PRDX1: variants seen among roughly 807,000 people sequenced by gnomAD.
PRDX1 encodes the protein peroxiredoxin 1.
In PRDX1, 19 loss-of-function variants were observed where a neutral mutation model predicts 20.7. The ratio of observed to expected loss-of-function variants is 0.92; its 90% confidence interval spans 0.64 to 1.35. The LOEUF is 1.35. Among genes scored for constraint, PRDX1 ranks in the 40% most tolerant of loss-of-function variants. The pLI is 0.00. For missense variants in PRDX1, 226 were observed against 240.0 expected, an observed-to-expected ratio of 0.94 and a Z score of 0.38; for synonymous variants, 89 against 83.9, an observed-to-expected ratio of 1.06 and a Z score of -0.33.
At position 45,514,949 on chromosome 1, in the gene PRDX1, G is replaced by C; in HGVS notation, c.307C>G (p.Pro103Ala). The C allele has an allele frequency of 1.2e-6, 2 of 1,614,202 alleles. No individual in the cohort carries two copies. The highest frequency in any genetic ancestry group is 8.5e-7 in the Non-Finnish European group (1 of 1,180,032). Residue 103 changes from proline (P) to alanine (A), a missense_variant, in exon 4 of 6, where the codon CCT becomes GCT. Transcript: ENST00000319248. Reference sequence around the variant, plus strand: ...GTGCGCTTCGGGTCTGATACCAAAGGAATGTTCATGGGTCCCAGTCCTCCT... The same window carrying C: ...GTGCGCTTCGGGTCTGATACCAAAGCAATGTTCATGGGTCCCAGTCCTCCT... ...KQGGLGPMNI[P>A]LVSDPKRTIA...
chr1:45,514,046 T>C (rs1300067300), intron 5 of PRDX1, among the ~76,000 whole-genome samples: 9 of 152,146 alleles, frequency 5.9e-5, no homozygotes, highest in Admixed American at 5.9e-4. Flanking sequence ...TAAAACCCAA[T>C]TGTATGTTCC....
chr1:45,517,021 C>CAA (rs10700951), intron 2 of PRDX1, among the ~76,000 whole-genome samples: 6,666 of 89,552 alleles, frequency 0.074, 654 homozygotes, highest in African/African-American at 0.24. Context: ...AATTCCACCT[C>CAA]AAAAAAAAAA....
chr1:45,518,154 C>A (rs1374093913), intron 2 of PRDX1, among the ~76,000 whole-genome samples: 3 of 151,480 alleles, frequency 2.0e-5, no homozygotes, highest in Non-Finnish European at 4.4e-5. Context: ...AACATGGCGC[C>A]CAGCTCTACA....
chr1:45,519,999 G>T (rs1438376716), intron 1 of PRDX1, among the ~76,000 whole-genome samples: 1 of 152,102 alleles, frequency 6.6e-6, no homozygotes, highest in Non-Finnish European at 1.5e-5. Flanking sequence ...CGGGTCAGGA[G>T]TTCGAGACCA....
At chr1:45,522,279 ACTGT>A (rs901921430), upstream of PRDX1, among the ~76,000 whole-genome samples, 3 of 152,170 alleles carry the variant, frequency 2.0e-5, no homozygotes, top group Non-Finnish European at 4.4e-5. Flanking sequence ...AGCCATGAGA[ACTGT>A]CTATCCAAAT....
At chr1:45,512,069 C>CTTTTTTTTTTTT (rs869087041) in intron 5 of PRDX1, 18 of 66,924 alleles carry the variant, frequency 2.7e-4, no homozygotes, top group Non-Finnish European at 3.9e-4. Context: ...TCTTATTTTT[C>CTTTTTTTTTTTT]TTTTTTTTTT....
intron 5 of PRDX1, chr1:45,512,245 C>G (rs1643766334): frequency 1.3e-5 from 2 of 151,230 alleles, no homozygotes; most frequent in African/African-American, 4.8e-5. Context: ...ACCACCACAC[C>G]TGGCTAATTT....
chr1:45,520,583 GGGT>G (rs963034883), intron 1 of PRDX1, among the ~76,000 whole-genome samples: 11 of 151,962 alleles, frequency 7.2e-5, no homozygotes, highest in African/African-American at 2.7e-4. Context: ...AATTAGCCGG[GGGT>G]GGTGGCACGC....
Position 45,515,769 on chromosome 1 carries a change from T to C in PRDX1, c.145A>G (p.Thr49Ala). 6.3e-7 allele frequency: 1 copy of C among 1,594,914 alleles called. No individual in the cohort carries two copies. Among genetic ancestry groups the C allele is most frequent in the Non-Finnish European group, 8.5e-7 (1 of 1,174,540 alleles). The change falls in exon 3 of 6, where the codon ACC becomes GCC. Residue 49 changes from threonine to alanine, a missense_variant. Transcript: ENST00000319248. Reference sequence around the variant, plus strand: ...ATGATCTCCGTGGGGCACACAAAGGTGAAGTCAAGAGGGTAAAAGAAGAAC... The same window carrying C: ...ATGATCTCCGTGGGGCACACAAAGGCGAAGTCAAGAGGGTAAAAGAAGAAC... The part of the protein sequence containing the change: ...VVFFFYPLDF[T>A]FVCPTEIIAF...
intron 2 of PRDX1, 54 bp from the exon 3 acceptor site, chr1:45,515,861 A>C: frequency 1.4e-6 from 2 of 1,465,348 alleles, no homozygotes; most frequent in Non-Finnish European, 1.8e-6. Context: ...TCCTTGCTTT[A>C]TATTTTCCTA....
chr1:45,514,272 C>CTGAG (rs1240812088), intron 5 of PRDX1, among the ~76,000 whole-genome samples: 6 of 152,178 alleles, frequency 3.9e-5, no homozygotes, highest in Admixed American at 1.3e-4. Flanking sequence ...ATCCCCCTCT[C>CTGAG]CGAGAAACAC....
intron 2 of PRDX1, among the ~76,000 whole-genome samples, chr1:45,518,241 T>C (rs1643878031): frequency 6.6e-6 from 1 of 151,568 alleles, no homozygotes; most frequent in Admixed American, 6.6e-5. Flanking sequence ...GGTGGGCGGA[T>C]CATCTGAGGT....
upstream of PRDX1, chr1:45,521,998 C>G (rs1643919352): frequency 6.6e-6 from 1 of 152,356 alleles, no homozygotes. Context: ...CGAGCCCCGC[C>G]CGGCGCGCCC....
At chr1:45,516,427 C>T (rs2149328361) in intron 2 of PRDX1, among the ~76,000 whole-genome samples, 1 of 152,132 alleles carries the variant, frequency 6.6e-6, no homozygotes, top group African/African-American at 2.4e-5. Context: ...AGTTTGAGGC[C>T]AGCCTGGGCA....
intron 3 of PRDX1, among the ~76,000 whole-genome samples, chr1:45,515,443 C>T (rs1270899098): frequency 6.6e-6 from 1 of 151,602 alleles, no homozygotes; most frequent in Non-Finnish European, 1.5e-5. Flanking sequence ...ACTGAAAATA[C>T]AAAAAATTAG....
At chr1:45,520,455 G>A (rs1362296563) in intron 1 of PRDX1, among the ~76,000 whole-genome samples, 2 of 151,766 alleles carry the variant, frequency 1.3e-5, no homozygotes, top group African/African-American at 4.8e-5. Context: ...AAGCGCTGTG[G>A]CTCAAGCCTG....
chr1:45,514,146 T>A (rs756488467), intron 5 of PRDX1, among the ~76,000 whole-genome samples: 8 of 152,196 alleles, frequency 5.3e-5, no homozygotes, highest in African/African-American at 1.4e-4. Context: ...GATGTTTATG[T>A]GTATGCACAT....
rs1643916972 is a variant in PRDX1, at chr1:45,521,849, G to A, written c.-32C>T. 1 of 152,800 alleles carries A rather than the reference G, an allele frequency of 6.5e-6. No homozygotes were observed. The highest frequency in any genetic ancestry group is 2.4e-5 in the African/African-American group (1 of 41,482). 9.5% of individuals were successfully genotyped at this position (152,800 alleles called of 1,614,324 possible). A position where few individuals can be genotyped will look rare whatever the true frequency, so the allele number is the denominator to read the frequency against. ...CTCACCAGTCCCAACACAAGTCGCA[G>A]AAACTAACCACCGACACCAGGCAAG... On this transcript the variant is annotated 5_prime_UTR_variant, in exon 1 of 6. Coordinates refer to ENST00000319248, the MANE Select transcript of PRDX1 (RefSeq NM_181697.3).
chr1:45,519,398 G>A (rs1271086413), intron 1 of PRDX1, among the ~76,000 whole-genome samples: 1 of 152,226 alleles, frequency 6.6e-6, no homozygotes, highest in African/African-American at 2.4e-5. Context: ...AGAGGCAGAT[G>A]AAGACTCTCA....
Sources: allele counts gnomAD v4.1 joint callset (sites outside exome capture counted in the v4.1 genomes callset), GRCh38; gene constraint gnomAD v4.1.1; transcripts MANE v1.5; gene names NCBI Gene and HGNC (gene_info 2026-07-23, HGNC 2026-07-21).